The following WWOX variants were observed in gnomAD, a reference collection of about 807,000 sequenced individuals.
WWOX encodes WW domain-containing oxidoreductase.
WWOX carries 69 observed loss-of-function variants against 46.2 expected under a neutral mutation model. The observed-to-expected ratio is 1.49, with a 90% confidence interval of 1.23 to 1.82. The LOEUF (loss-of-function observed/expected upper bound fraction) is 1.82. Among genes scored for constraint, WWOX ranks in the 40% most tolerant of loss-of-function variants. The pLI, the probability that WWOX is intolerant of heterozygous loss-of-function variation, is 0.00. For synonymous variants in WWOX, 359 were observed against 202.6 expected (o/e 1.77, Z -6.56); for missense variants, 919 against 542.6 (o/e 1.69, Z -6.89).
intron 5 of WWOX, among the ~76,000 whole-genome samples, chr16:78,323,127 A>G (rs2080524874): frequency 6.6e-6 from 1 of 151,990 alleles, no homozygotes; most frequent in Admixed American, 6.6e-5. Flanking sequence ...TGTTTGTTTG[A>G]GACGGAGTCT....
intron 5 of WWOX, among the ~76,000 whole-genome samples, chr16:78,260,639 G>T (rs2079206993): frequency 6.6e-6 from 1 of 150,492 alleles, no homozygotes; most frequent in African/African-American, 2.5e-5. Flanking sequence ...CTGCACTCCA[G>T]CCTGGGTGAC....
At position 78,185,454 on chromosome 16, in the gene WWOX, G is replaced by A. The variant is rs539357156; in HGVS notation, c.516+21165G>A. Among the ~76,000 whole-genome samples the A allele has an allele frequency of 3.3e-5, 5 of 151,630 alleles. No individual in the cohort carries two copies. The South Asian group carries it at 8.4e-4, about 25-fold the overall frequency. On this transcript the variant is annotated intron_variant, in intron 5 of 8. Coordinates refer to ENST00000566780, the MANE Select transcript of WWOX (RefSeq NM_016373.4). Reference sequence around the variant, plus strand: ...ACAGTGCATACAAATCCTCGAAGCCGCAGAACTTTTTCAAGTTGAACTGTG... The same window carrying A: ...ACAGTGCATACAAATCCTCGAAGCCACAGAACTTTTTCAAGTTGAACTGTG...
chr16:78,790,773 A>G (rs556629767), intron 8 of WWOX, among the ~76,000 whole-genome samples: 8 of 152,198 alleles, frequency 5.3e-5, no homozygotes, highest in Middle Eastern at 3.4e-3. Context: ...TAACCCTAGC[A>G]CTTTGGGAGG....
intron 6 of WWOX, among the ~76,000 whole-genome samples, chr16:78,423,241 C>G (rs1382198404): frequency 2.0e-5 from 3 of 152,030 alleles, no homozygotes; most frequent in Non-Finnish European, 2.9e-5. Flanking sequence ...TTCTCTGTTT[C>G]TGTGTGTGTC....
rs556409794 is a variant in WWOX at position 78,858,241 on chromosome 16, T to A, written c.1057-353367T>A. Among the ~76,000 whole-genome samples the A allele has an allele frequency of 5.9e-5, 9 of 151,284 alleles. No homozygotes were observed. The South Asian group carries it at 1.3e-3, about 21-fold the overall frequency. ...AGGGGTAAAGTGGTTTTTGATTACA[T>A]GGAGAAGTTCTTTAGTGGCGATTTA... On this transcript the variant is annotated intron_variant, in intron 8 of 8. Transcript: ENST00000566780.
At chr16:78,709,003 A>T (rs2048382051) in intron 8 of WWOX, among the ~76,000 whole-genome samples, 1 of 152,184 alleles carries the variant, frequency 6.6e-6, no homozygotes, top group Non-Finnish European at 1.5e-5. Context: ...AAATTTTATC[A>T]GGCTCATAAA....
intron 8 of WWOX, among the ~76,000 whole-genome samples, chr16:78,451,339 A>T (rs1347137533): frequency 1.3e-5 from 2 of 152,240 alleles, no homozygotes; most frequent in Non-Finnish European, 2.9e-5. Flanking sequence ...GAAGATAAAG[A>T]TAATAAAACA....
At chr16:78,914,360 A>G (rs888843812) in intron 8 of WWOX, among the ~76,000 whole-genome samples, 7 of 152,072 alleles carry the variant, frequency 4.6e-5, no homozygotes, top group African/African-American at 1.4e-4. Flanking sequence ...TACCTGGCAT[A>G]TAGGATGAGC....
At chr16:78,446,859 C>T (rs1289629731) in intron 8 of WWOX, among the ~76,000 whole-genome samples, 1 of 151,870 alleles carries the variant, frequency 6.6e-6, no homozygotes, top group African/African-American at 2.4e-5. Context: ...CAGAGTTTTG[C>T]CATGTTCACC....
intron 8 of WWOX, among the ~76,000 whole-genome samples, chr16:78,803,443 A>C (rs773923739): frequency 1.3e-5 from 2 of 152,004 alleles, no homozygotes; most frequent in Non-Finnish European, 2.9e-5. Flanking sequence ...GTGGGTTTCA[A>C]AGGTACTCTT....
rs763501129 is a variant in WWOX, at chr16:79,211,887, C to T, written c.*91C>T. On this transcript the variant is annotated 3_prime_UTR_variant, in exon 9 of 9. Transcript: ENST00000566780. ...GCTGGGCCCCTTCCAAATGTCCCTC[C>T]AACACAGATCCGCAAGAGTAAAGGA... The T allele has an allele frequency of 1.6e-5, 26 of 1,577,742 alleles. No individual in the cohort carries two copies. The African/African-American group carries it at 2.8e-4, about 17-fold the overall frequency.
At chr16:78,640,055 C>A (rs948439152) in intron 8 of WWOX, among the ~76,000 whole-genome samples, 9 of 152,034 alleles carry the variant, frequency 5.9e-5, no homozygotes, top group Non-Finnish European at 8.8e-5. Flanking sequence ...CAACACCAGG[C>A]AGATTCATTT....
intron 6 of WWOX, among the ~76,000 whole-genome samples, chr16:78,391,918 C>T (rs1351185923): frequency 6.6e-6 from 1 of 151,898 alleles, no homozygotes; most frequent in African/African-American, 2.4e-5. Context: ...TTCCTCCCTC[C>T]CTCTTTCTCA....
chr16:79,207,578 A>T (rs922623616), intron 8 of WWOX, among the ~76,000 whole-genome samples: 3 of 152,254 alleles, frequency 2.0e-5, no homozygotes, highest in African/African-American at 2.4e-5. Flanking sequence ...TCTCACAATC[A>T]TTGAATATAT....
In WWOX at chr16:79,025,165, G is replaced by C. The variant is rs57588884; in HGVS notation, c.1057-186443G>C. ...TTTTGCTTGTTGAGCAAGGGAATGCGGTTCCCCTGTGTCGGACTTGTTTCA... is the reference window on the plus strand; with the variant it reads ...TTTTGCTTGTTGAGCAAGGGAATGCCGTTCCCCTGTGTCGGACTTGTTTCA... On this transcript the variant is annotated intron_variant, in intron 8 of 8. Coordinates refer to ENST00000566780, the MANE Select transcript of WWOX (RefSeq NM_016373.4). Among the ~76,000 whole-genome samples the C allele has an allele frequency of 2.4e-3, 367 of 152,142 alleles. 1 individual carries two copies. The highest frequency in any genetic ancestry group is 8.3e-3 in the African/African-American group (344 of 41,482).
chr16:78,197,247 G>A (rs1297042735), intron 5 of WWOX, among the ~76,000 whole-genome samples: 1 of 152,046 alleles, frequency 6.6e-6, no homozygotes, highest in African/African-American at 2.4e-5. Context: ...CCAGATTGAG[G>A]GCCATCTGAC....
intron 5 of WWOX, among the ~76,000 whole-genome samples, chr16:78,317,309 C>G (rs116586543): frequency 0.023 from 3,439 of 152,244 alleles, 139 homozygotes; most frequent in African/African-American, 0.079. Context: ...CTGTTTCTGT[C>G]TCTCTCACTC....
intron 8 of WWOX, among the ~76,000 whole-genome samples, chr16:78,581,826 T>G (rs2045063866): frequency 6.6e-6 from 1 of 152,206 alleles, no homozygotes; most frequent in Non-Finnish European, 1.5e-5. Context: ...TGTAAGTTGA[T>G]TTCATATCCT....
intron 8 of WWOX, among the ~76,000 whole-genome samples, chr16:78,630,306 TG>T (rs1278561469): frequency 6.6e-6 from 1 of 152,166 alleles, no homozygotes; most frequent in Non-Finnish European, 1.5e-5. Context: ...TGGCTGCATC[TG>T]GGAACTTGGA....
Sources: gnomAD v4.1 joint callset for allele counts (sites outside exome capture counted in the v4.1 genomes callset) on GRCh38, gnomAD v4.1.1 for gene constraint, MANE v1.5 for transcripts, NCBI Gene and HGNC (gene_info 2026-07-23, HGNC 2026-07-21) for gene names.